Variants in UBN2 observed in about 807,000 individuals in gnomAD.
UBN2 encodes ubinuclein-2.
In UBN2, 35 loss-of-function variants were observed where a neutral mutation model predicts 120.2. The ratio of observed to expected loss-of-function variants is 0.29; its 90% CI spans 0.22 to 0.39. UBN2 has a LOEUF of 0.39. Among genes scored for constraint, UBN2 ranks in the 10% least tolerant of loss-of-function variants. The probability of loss-of-function intolerance (pLI) is 1.00; values close to 1 mark genes in which losing one functional copy is unlikely to be tolerated. For missense variants in UBN2, 1,693 were observed against 1,663.2 expected (o/e 1.02, Z -0.31); for synonymous variants, 661 against 648.7 (o/e 1.02, Z -0.29).
At position 139,231,449 on chromosome 7, in the gene UBN2, C is replaced by T. The variant is rs1393114420; in HGVS notation, c.-36C>T. The T allele has an allele frequency of 2.3e-6, 3 of 1,289,308 alleles. No individual in the cohort carries two copies. The highest frequency in any genetic ancestry group is 3.1e-5 in the African/African-American group (2 of 64,966). The allele number at this position is 1,289,308 out of a possible 1,614,324, so 79.9% of individuals were successfully genotyped here. A position where few individuals can be genotyped will look rare whatever the true frequency, so the allele number is the denominator to read the frequency against. ...CGCAGCGCGCCGTAGAAGCGAGCGC[C>T]GGCTCGAGCAAAAGCGGAGGGCCAG... On this transcript the variant is annotated 5_prime_UTR_variant, in exon 1 of 18. Transcript: ENST00000473989.
At chr7:139,295,490 G>A (rs1029099422) in intron 17 of UBN2, among the ~76,000 whole-genome samples, 1 of 152,158 alleles carries the variant, frequency 6.6e-6, no homozygotes, top group African/African-American at 2.4e-5. Flanking sequence ...TAAACAAGCA[G>A]GATTCTTGTG....
In UBN2 at chr7:139,282,071, G is replaced by A; in HGVS notation, c.2118+16G>A. The A allele has an allele frequency of 1.2e-6, 2 of 1,611,288 alleles. No individual in the cohort carries two copies. The highest frequency in any genetic ancestry group is 1.7e-4 in the Middle Eastern group (1 of 6,048). On this transcript the variant is annotated intron_variant, in intron 14 of 17. Coordinates refer to ENST00000473989, the MANE Select transcript of UBN2 (RefSeq NM_173569.4). ...TATGCTTAAGGTAAGTGCTATGGTT[G>A]TATCAATCAGTATGTAATATAACAC...
chr7:139,297,445 C>T (rs1798141047), intron 17 of UBN2, among the ~76,000 whole-genome samples: 1 of 151,944 alleles, frequency 6.6e-6, no homozygotes, highest in Non-Finnish European at 1.5e-5. Flanking sequence ...TAGTGGGTCC[C>T]TCGGAGGTAG....
At chr7:139,234,995 G>A (rs142522378) in intron 1 of UBN2, among the ~76,000 whole-genome samples, 1 of 152,006 alleles carries the variant, frequency 6.6e-6, no homozygotes, top group African/African-American at 2.4e-5. Flanking sequence ...CTTGATTGGG[G>A]GAGGGTGTTT....
chr7:139,308,541 A>T (rs944387033), downstream of UBN2, among the ~76,000 whole-genome samples: 2 of 152,106 alleles, frequency 1.3e-5, no homozygotes, highest in Admixed American at 1.3e-4. Flanking sequence ...AGTGCAGTGG[A>T]TGGCACTTGA....
At chr7:139,294,090 A>C in intron 17 of UBN2, 109 bp downstream of exon 17, 1 of 1,074,372 alleles carries the variant, frequency 9.3e-7, no homozygotes, top group South Asian at 1.4e-5. Context: ...GGAAAATGCA[A>C]ATTTTCATAG....
At chr7:139,285,833 C>T (rs1249535262) in intron 15 of UBN2, among the ~76,000 whole-genome samples, 1 of 152,112 alleles carries the variant, frequency 6.6e-6, no homozygotes, top group African/African-American at 2.4e-5. Context: ...ACCTCCGCTT[C>T]TCGGGTTCAG....
Position 139,259,279 on chromosome 7 carries a change from AAAG to A in UBN2, c.819_821del (p.Glu273del), listed in dbSNP as rs750621465. The A allele has an allele frequency of 5.6e-6, 9 of 1,613,156 alleles. No individual in the cohort carries two copies. The South Asian group carries it at 9.9e-5, about 18-fold the overall frequency. On this transcript the variant is annotated inframe_deletion, in exon 5 of 18. Transcript: ENST00000473989. Reference sequence around the variant, plus strand: ...TATCATTTTGCAGGTCCCCAAAATAAAAGAAGATGATATTGAGATGAAGAAGCG... The same window carrying A: ...TATCATTTTGCAGGTCCCCAAAATAAAAGATGATATTGAGATGAAGAAGCG...
chr7:139,238,228 T>C (rs914820748), intron 2 of UBN2, among the ~76,000 whole-genome samples: 3 of 152,100 alleles, frequency 2.0e-5, no homozygotes, highest in African/African-American at 4.8e-5. Context: ...GGCCTTGTCA[T>C]TGAGGGCCTT....
intron 15 of UBN2, among the ~76,000 whole-genome samples, chr7:139,289,401 A>G (rs1038876330): frequency 1.4e-5 from 2 of 142,046 alleles, no homozygotes; most frequent in Non-Finnish European, 3.0e-5. Context: ...TGCCCTCCCT[A>G]ATTTACATTT....
Position 139,304,376 on chromosome 7 carries a change from CGAA to C in UBN2, c.*6543_*6545del, listed in dbSNP as rs1798321165. The C allele has an allele frequency of 6.6e-6, 1 of 152,118 alleles. No individual in the cohort carries two copies. The allele number at this position is 152,118 out of a possible 1,614,324, so 9.4% of individuals were successfully genotyped here. A position where few individuals can be genotyped will look rare whatever the true frequency, so the allele number is the denominator to read the frequency against. ...GTTTTCCCCAGCTCCCAGGAGGAGA[CGAA>C]GATCATTTTATCCCACCTTCCATCC... is the stretch of plus-strand genomic sequence containing the variant. On this transcript the variant is annotated 3_prime_UTR_variant, in exon 18 of 18. Transcript: ENST00000473989.
chr7:139,249,414 A>G (rs1796558523), intron 2 of UBN2, among the ~76,000 whole-genome samples: 1 of 152,182 alleles, frequency 6.6e-6, no homozygotes, highest in Admixed American at 6.5e-5. Context: ...GTCTTTCGTA[A>G]GTCTGGCATA....
intron 17 of UBN2, among the ~76,000 whole-genome samples, chr7:139,296,161 A>G (rs994863772): frequency 2.6e-5 from 4 of 152,220 alleles, no homozygotes; most frequent in African/African-American, 9.6e-5. Context: ...GGTGCATAGT[A>G]AGAGCTCAGT....
rs1796001122 is a variant in UBN2 at position 139,231,333 on chromosome 7, C to G, written c.-152C>G. On this transcript the variant is annotated 5_prime_UTR_variant, in exon 1 of 18. Transcript: ENST00000473989. Reference sequence around the variant, plus strand: ...GAACGTAGTAGCGGGGAAGGGGACACGGTCCGCACTCACCGTGGCGCCGGC... The same window carrying G: ...GAACGTAGTAGCGGGGAAGGGGACAGGGTCCGCACTCACCGTGGCGCCGGC... 6.6e-6 allele frequency among the ~76,000 whole-genome samples: 1 copy of G among 152,164 alleles called. No homozygotes were observed. Among genetic ancestry groups the G allele is most frequent in the Non-Finnish European group, 1.5e-5 (1 of 68,032 alleles).
intron 17 of UBN2, among the ~76,000 whole-genome samples, chr7:139,295,672 C>A (rs1798090475): frequency 6.6e-6 from 1 of 152,226 alleles, no homozygotes; most frequent in Non-Finnish European, 1.5e-5. Context: ...GTAATCCCAG[C>A]ATTTTGGGAG....
intron 11 of UBN2, among the ~76,000 whole-genome samples, chr7:139,274,762 CAA>C (rs1158405890): frequency 1.8e-4 from 14 of 77,394 alleles, no homozygotes; most frequent in Admixed American, 2.9e-4. Flanking sequence ...AACTCCGTCT[CAA>C]AAAAAAAAAA....
In UBN2 at chr7:139,236,914, G is replaced by A. The variant is rs957752580; in HGVS notation, c.469-91G>A. ...ACATTTATTGAAATAGAATTGAAGT[G>A]GTTGTTACATAATGATAAATAAACA... On this transcript the variant is annotated intron_variant, in intron 1 of 17. Transcript: ENST00000473989. 6.5e-5 allele frequency: 44 copies of A among 680,786 alleles called. 1 individual carries two copies. In the Admixed American group the frequency reaches 6.5e-4, roughly 10 times the overall value. The allele number at this position is 680,786 out of a possible 1,614,324, so 42.2% of individuals were successfully genotyped here.
intron 7 of UBN2, 78 bp from the exon 8 acceptor site, chr7:139,269,316 T>G: frequency 2.1e-6 from 3 of 1,396,016 alleles, no homozygotes; most frequent in Non-Finnish European, 2.9e-6. Flanking sequence ...GAACAAGAAC[T>G]GGCTTTGCTT....
chr7:139,259,393 A>G (rs1796863850), intron 5 of UBN2, 23 bp downstream of exon 5: 4 of 1,611,456 alleles, frequency 2.5e-6, no homozygotes, highest in Non-Finnish European at 3.4e-6. Flanking sequence ...AAACCTAAGA[A>G]GGGAACTGGC....
Sources: allele counts gnomAD v4.1 joint callset (sites outside exome capture counted in the v4.1 genomes callset), GRCh38; gene constraint gnomAD v4.1.1; transcripts MANE v1.5; gene names NCBI Gene and HGNC (gene_info 2026-07-23, HGNC 2026-07-21).